TMEM163: variants seen among roughly 807,000 people sequenced by gnomAD.
The protein encoded by TMEM163 is transmembrane protein 163.
A neutral mutation model predicts 29.3 loss-of-function variants in TMEM163; 17 were observed. That is an observed-to-expected ratio of 0.58 (90% CI 0.40 to 0.87). TMEM163 has a LOEUF of 0.87. Ranked by LOEUF, TMEM163 falls within the 40% of genes least tolerant of loss-of-function variation. The pLI, the probability that TMEM163 is intolerant of heterozygous loss-of-function variation, is 0.00. For synonymous variants in TMEM163, 157 were observed against 160.6 expected, an observed-to-expected ratio of 0.98 and a Z score of 0.17; for missense variants, 303 against 381.5, an observed-to-expected ratio of 0.79 and a Z score of 1.71.
chr2:134,569,162 G>A (rs1450830366), intron 2 of TMEM163, among the ~76,000 whole-genome samples: 2 of 152,152 alleles, frequency 1.3e-5, no homozygotes, highest in Non-Finnish European at 2.9e-5. Flanking sequence ...AAAAATAGGA[G>A]TCATAGTTTT....
intron 2 of TMEM163, among the ~76,000 whole-genome samples, chr2:134,656,031 G>A (rs941421074): frequency 1.4e-5 from 2 of 145,294 alleles, no homozygotes; most frequent in Non-Finnish European, 1.5e-5. Context: ...CAGAGGTGGA[G>A]CCTACAGAGG....
At chr2:134,604,792 A>C (rs772119569) in intron 2 of TMEM163, among the ~76,000 whole-genome samples, 6 of 152,236 alleles carry the variant, frequency 3.9e-5, no homozygotes, top group Admixed American at 6.5e-5. Context: ...GTCAATATAC[A>C]TGGTAAAATA....
At chr2:134,556,301 C>A (rs763121126) in intron 2 of TMEM163, among the ~76,000 whole-genome samples, 11 of 152,212 alleles carry the variant, frequency 7.2e-5, no homozygotes, top group Non-Finnish European at 1.5e-4. Flanking sequence ...CTTCCAGCCA[C>A]ATGAGTCTTA....
chr2:134,520,625 T>C (rs1680171236), intron 4 of TMEM163, among the ~76,000 whole-genome samples: 1 of 152,232 alleles, frequency 6.6e-6, no homozygotes, highest in South Asian at 2.1e-4. Flanking sequence ...AAACACTTCT[T>C]GTTTACACTC....
chr2:134,676,639 G>T (rs1482841396), intron 2 of TMEM163, among the ~76,000 whole-genome samples: 3 of 151,964 alleles, frequency 2.0e-5, no homozygotes, highest in African/African-American at 7.3e-5. Flanking sequence ...CATTCTTCTT[G>T]TCCTTGGAAG....
chr2:134,573,004 C>A (rs1681468045), intron 2 of TMEM163, among the ~76,000 whole-genome samples: 1 of 152,182 alleles, frequency 6.6e-6, no homozygotes, highest in South Asian at 2.1e-4. Context: ...GCCCCACAAC[C>A]AAAGCTGCTG....
At chr2:134,648,909 A>G (rs1683400855) in intron 2 of TMEM163, among the ~76,000 whole-genome samples, 1 of 152,212 alleles carries the variant, frequency 6.6e-6, no homozygotes, top group South Asian at 2.1e-4. Context: ...ACCACAGCTG[A>G]TGGCTCACGG....
chr2:134,703,282 G>A (rs1304680464), intron 2 of TMEM163, among the ~76,000 whole-genome samples: 6 of 152,144 alleles, frequency 3.9e-5, no homozygotes, highest in African/African-American at 1.2e-4. Context: ...AATCAGAACC[G>A]GTTACAGGAG....
At chr2:134,639,721 A>G (rs1197630899) in intron 2 of TMEM163, among the ~76,000 whole-genome samples, 1 of 152,242 alleles carries the variant, frequency 6.6e-6, no homozygotes, top group African/African-American at 2.4e-5. Flanking sequence ...AACACAAAAG[A>G]TGACATACCA....
chr2:134,552,013 C>G, intron 3 of TMEM163, 35 bp downstream of exon 3: 1 of 1,607,398 alleles, frequency 6.2e-7, no homozygotes, highest in Non-Finnish European at 8.5e-7. Context: ...AAAAAACGTG[C>G]AAAACTTGAT....
At chr2:134,705,967 G>A (rs372268363) in intron 2 of TMEM163, among the ~76,000 whole-genome samples, 41 of 152,332 alleles carry the variant, frequency 2.7e-4, no homozygotes, top group African/African-American at 7.7e-4. Context: ...CTGTGCGACA[G>A]GGACACCGGG....
At chr2:134,553,523 G>C (rs1169749179) in intron 2 of TMEM163, among the ~76,000 whole-genome samples, 1 of 152,228 alleles carries the variant, frequency 6.6e-6, no homozygotes, top group African/African-American at 2.4e-5. Context: ...AGACTGAGGA[G>C]CAGGAAGGCA....
At position 134,514,680 on chromosome 2, in the gene TMEM163, T is replaced by G. The variant is rs1490285348; in HGVS notation, c.459-11683A>C. Among the ~76,000 whole-genome samples the G allele has an allele frequency of 5.9e-5, 9 of 152,136 alleles. No homozygotes were observed. The South Asian group carries it at 6.2e-4, about 11-fold the overall frequency. On this transcript the variant is annotated intron_variant, in intron 4 of 7. Coordinates refer to ENST00000281924, the MANE Select transcript of TMEM163 (RefSeq NM_030923.5). ...GCAGAAGTGTGTATCATTGCTCACA[T>G]CAATTGCTCTCAACCTCACACCCCT... is the stretch of plus-strand genomic sequence containing the variant.
intron 4 of TMEM163, among the ~76,000 whole-genome samples, chr2:134,526,122 C>A (rs1680288804): frequency 6.6e-6 from 1 of 152,160 alleles, no homozygotes; most frequent in Non-Finnish European, 1.5e-5. Context: ...AGAGCTAGTG[C>A]AAAGCTAGAT....
chr2:134,645,747 T>G (rs374413008), intron 2 of TMEM163, among the ~76,000 whole-genome samples: 2 of 152,204 alleles, frequency 1.3e-5, no homozygotes, highest in Admixed American at 1.3e-4. Context: ...TTTCATTATA[T>G]GACATCCCCA....
intron 2 of TMEM163, among the ~76,000 whole-genome samples, chr2:134,577,452 G>A (rs895786296): frequency 6.6e-6 from 1 of 152,212 alleles, no homozygotes; most frequent in African/African-American, 2.4e-5. Context: ...AAATACACAA[G>A]GGTCAGAAGC....
intron 4 of TMEM163, among the ~76,000 whole-genome samples, chr2:134,547,457 A>G (rs1465563388): frequency 6.6e-6 from 1 of 152,190 alleles, no homozygotes; most frequent in Non-Finnish European, 1.5e-5. Flanking sequence ...AAAGGGAATT[A>G]GCTAAGGGCC....
intron 2 of TMEM163, 27 bp downstream of exon 2, chr2:134,713,173 T>G: frequency 6.2e-7 from 1 of 1,609,106 alleles, no homozygotes; most frequent in Non-Finnish European, 8.5e-7. Context: ...GCAGCACATA[T>G]TGGCCGACGA....
intron 2 of TMEM163, among the ~76,000 whole-genome samples, chr2:134,700,295 A>C (rs1029880110): frequency 9.2e-5 from 14 of 152,140 alleles, no homozygotes; most frequent in African/African-American, 3.4e-4. Context: ...CTCTAAAAAC[A>C]CTGACTATTT....
Sources: gnomAD v4.1 joint callset for allele counts (sites outside exome capture counted in the v4.1 genomes callset) on GRCh38, gnomAD v4.1.1 for gene constraint, MANE v1.5 for transcripts, NCBI Gene and HGNC (gene_info 2026-07-23, HGNC 2026-07-21) for gene names.